Variants in C1QTNF3 observed in about 807,000 individuals in gnomAD.
C1QTNF3 encodes C1q and TNF related 3, also known as complement C1q tumor necrosis factor-related protein 3.
A neutral mutation model predicts 32.6 loss-of-function variants in C1QTNF3; 26 were observed. That is an observed-to-expected ratio of 0.80 (90% confidence interval 0.58 to 1.11). The LOEUF (loss-of-function observed/expected upper bound fraction) is 1.11. Among genes scored for constraint, C1QTNF3 ranks in the 50% least tolerant of loss-of-function variants. The probability of loss-of-function intolerance (pLI) is 0.00; values close to 1 mark genes in which losing one functional copy is unlikely to be tolerated. For missense variants in C1QTNF3, 362 were observed against 398.2 expected (o/e 0.91, Z 0.77); for synonymous variants, 155 against 146.0 (o/e 1.06, Z -0.44).
the C1QTNF3 span, among the ~76,000 whole-genome samples, chr5:34,215,789 C>A: frequency 2.0e-5 from 3 of 152,150 alleles, no homozygotes; most frequent in African/African-American, 7.2e-5. Flanking sequence ...CATGCCACCA[C>A]ATAAGGCTAA....
At chr5:34,186,005 A>T in the C1QTNF3 span, among the ~76,000 whole-genome samples, 638 of 149,678 alleles carry the variant, frequency 4.3e-3, no homozygotes, top group South Asian at 0.016. Context: ...AGACTACATT[A>T]TTGTTCCCAA....
At chr5:34,036,947 A>G (rs1048693181) in intron 1 of C1QTNF3, among the ~76,000 whole-genome samples, 10 of 152,032 alleles carry the variant, frequency 6.6e-5, no homozygotes, top group African/African-American at 1.9e-4. Context: ...AGCAAGACAC[A>G]GTCTCAAAAA....
chr5:34,236,563 CTTTTTTCT>C, the C1QTNF3 span, among the ~76,000 whole-genome samples: 1 of 45,338 alleles, frequency 2.2e-5, no homozygotes, highest in African/African-American at 4.4e-5. Context: ...TTTCTTTTTT[CTTTTTTCT>C]TTTTTTTTTT....
chr5:34,035,511 G>C, intron 2 of C1QTNF3, 136 bp downstream of exon 2: 1 of 699,766 alleles, frequency 1.4e-6, no homozygotes, highest in Admixed American at 2.8e-5. Context: ...CTATGAACCT[G>C]GTATTCCAGG....
At chr5:34,212,331 G>A in the C1QTNF3 span, among the ~76,000 whole-genome samples, 1 of 152,012 alleles carries the variant, frequency 6.6e-6, no homozygotes, top group Admixed American at 6.6e-5. Context: ...TACCATTCAG[G>A]ACACAGGCAT....
chr5:34,121,391 G>C, the C1QTNF3 span, among the ~76,000 whole-genome samples: 1 of 152,110 alleles, frequency 6.6e-6, no homozygotes, highest in Non-Finnish European at 1.5e-5. Context: ...AGTTCCACAT[G>C]GCTAGGGAGG....
the C1QTNF3 span, among the ~76,000 whole-genome samples, chr5:34,171,502 C>T: frequency 5.9e-4 from 89 of 152,014 alleles, no homozygotes; most frequent in Admixed American, 1.2e-3. Flanking sequence ...TTATGTGTAT[C>T]AGTTAAGATG....
At chr5:34,182,510 TAAATAAATAAA>T in the C1QTNF3 span, among the ~76,000 whole-genome samples, 1 of 152,068 alleles carries the variant, frequency 6.6e-6, no homozygotes, top group African/African-American at 2.4e-5. Context: ...AATAAATAAA[TAAATAAATAAA>T]AAATCTGGGC....
the C1QTNF3 span, among the ~76,000 whole-genome samples, chr5:34,072,476 T>C: frequency 6.6e-6 from 1 of 152,196 alleles, no homozygotes; most frequent in African/African-American, 2.4e-5. Flanking sequence ...TGATGGATCA[T>C]TTGTAGAATA....
At chr5:34,184,715 CAAA>C in the C1QTNF3 span, among the ~76,000 whole-genome samples, 225 of 129,602 alleles carry the variant, frequency 1.7e-3, no homozygotes, top group African/African-American at 6.0e-3. Context: ...GACTCTGTCT[CAAA>C]AAAAAAAAAA....
At chr5:34,235,963 C>T in the C1QTNF3 span, among the ~76,000 whole-genome samples, 2 of 152,048 alleles carry the variant, frequency 1.3e-5, no homozygotes, top group Non-Finnish European at 2.9e-5. Flanking sequence ...CCTTTATGTC[C>T]GCATTCAAGA....
chr5:34,091,068 G>A, the C1QTNF3 span, among the ~76,000 whole-genome samples: 6 of 152,196 alleles, frequency 3.9e-5, no homozygotes, highest in Non-Finnish European at 8.8e-5. Flanking sequence ...CTGGATGCGT[G>A]TATTGAAGGT....
chr5:34,136,449 G>T, the C1QTNF3 span, among the ~76,000 whole-genome samples: 1 of 152,204 alleles, frequency 6.6e-6, no homozygotes, highest in Non-Finnish European at 1.5e-5. Context: ...ACCACAATGA[G>T]ATACCATCTC....
the C1QTNF3 span, among the ~76,000 whole-genome samples, chr5:34,070,000 G>A: frequency 6.6e-6 from 1 of 152,114 alleles, no homozygotes; most frequent in Non-Finnish European, 1.5e-5. Context: ...CAGAAATATA[G>A]TAGGTTTGTC....
chr5:34,053,516 T>C, the C1QTNF3 span, among the ~76,000 whole-genome samples: 85,934 of 152,032 alleles, frequency 0.57, 25,934 homozygotes, highest in East Asian at 0.85. Context: ...AGTCAAATGC[T>C]CATGCTCCAT....
At chr5:34,091,931 TA>T in the C1QTNF3 span, among the ~76,000 whole-genome samples, 76,630 of 150,822 alleles carry the variant, frequency 0.51, 21,473 homozygotes, top group Non-Finnish European at 0.63. Context: ...CATTGTGCTT[TA>T]AAAAAAAAGT....
At chr5:34,090,696 A>T in the C1QTNF3 span, among the ~76,000 whole-genome samples, 8 of 152,298 alleles carry the variant, frequency 5.3e-5, no homozygotes, top group African/African-American at 1.9e-4. Context: ...ATAAGCGTGG[A>T]GCCCTAATTA....
the C1QTNF3 span, among the ~76,000 whole-genome samples, chr5:34,194,955 G>C: frequency 6.6e-6 from 1 of 151,318 alleles, no homozygotes; most frequent in Middle Eastern, 3.4e-3. Flanking sequence ...TACATGTTCA[G>C]TACAGACGCA....
the C1QTNF3 span, among the ~76,000 whole-genome samples, chr5:34,048,351 C>T: frequency 6.7e-6 from 1 of 148,318 alleles, no homozygotes; most frequent in South Asian, 2.1e-4. Flanking sequence ...CAGCTGGTGT[C>T]ATTGAGCATT....
Sources: gnomAD v4.1 joint callset for allele counts (sites outside exome capture counted in the v4.1 genomes callset) on GRCh38, gnomAD v4.1.1 for gene constraint, MANE v1.5 for transcripts, NCBI Gene and HGNC (gene_info 2026-07-23, HGNC 2026-07-21) for gene names.